TCF20: variants seen among roughly 807,000 people sequenced by gnomAD.
TCF20 encodes SPRE-binding protein.
A neutral mutation model predicts 148.6 loss-of-function variants in TCF20; 3 were observed. The observed-to-expected ratio is 0.02, with a 90% CI of 0.01 to 0.05. The LOEUF (loss-of-function observed/expected upper bound fraction) is 0.05. TCF20 is among the 10% of genes least tolerant of loss of function. The pLI is 1.00. For synonymous variants in TCF20, 1,049 were observed against 909.5 expected (o/e 1.15, Z -2.76); for missense variants, 2,350 against 2,429.3 (o/e 0.97, Z 0.69).
chr22:42,259,024 A>T (rs967441124), intron 1 of TCF20, among the ~76,000 whole-genome samples: 2 of 151,822 alleles, frequency 1.3e-5, no homozygotes, highest in African/African-American at 4.8e-5. Context: ...TTAGTTTACC[A>T]CTCCCCAGAA....
At position 42,210,074 on chromosome 22, in the gene TCF20, T is replaced by C. The variant is rs1439974216; in HGVS notation, c.5232A>G (p.Glu1744=). 6.2e-7 allele frequency: 1 copy of C among 1,613,840 alleles called. No individual in the cohort carries two copies. Among genetic ancestry groups the C allele is most frequent in the South Asian group, 1.1e-5 (1 of 91,090 alleles). ...GCCGTACCTTAACTTTGCTCTGCAT[T>C]TCTGTGGCCCTCTTAGGAGGTGGAT... ...PKNPPPKRAT[E]MQSKVKVRHK... Residue 1744 remains glutamate, a synonymous_variant, in exon 2 of 6, where the codon GAA becomes GAG. Transcript: ENST00000677622. This position sits in a 1 kb window ranked among gnomAD's most constrained non-coding sequence, Gnocchi z 4.7.
intron 1 of TCF20, among the ~76,000 whole-genome samples, chr22:42,336,426 G>C (rs1928069404): frequency 6.6e-6 from 1 of 151,922 alleles, no homozygotes; most frequent in Admixed American, 6.6e-5. Flanking sequence ...CCTGCTTCAG[G>C]CATCCCTTCT....
Position 42,204,006 on chromosome 22 carries a change from C to T in TCF20, c.5655+5645G>A, listed in dbSNP as rs566667076. Among the ~76,000 whole-genome samples, 4 of 152,324 alleles carry T rather than the reference C, an allele frequency of 2.6e-5. No homozygotes were observed. The South Asian group carries it at 8.3e-4, about 32-fold the overall frequency. On this transcript the variant is annotated intron_variant, in intron 2 of 5. Coordinates refer to ENST00000677622, the MANE Select transcript of TCF20 (RefSeq NM_001378418.1). ...CTGGTGGCTCTATTTTACAGTTAAACTAGAGAGCCTACCTTTCTGACTTGG... is the reference window on the plus strand; with the variant it reads ...CTGGTGGCTCTATTTTACAGTTAAATTAGAGAGCCTACCTTTCTGACTTGG...
intron 1 of TCF20, among the ~76,000 whole-genome samples, chr22:42,280,541 G>T (rs767710385): frequency 2.0e-5 from 3 of 152,162 alleles, no homozygotes; most frequent in Non-Finnish European, 4.4e-5. Flanking sequence ...CCCCTGCTCT[G>T]CCCCTACATG....
At chr22:42,209,381 C>T (rs1920923058) in intron 2 of TCF20, among the ~76,000 whole-genome samples, 1 of 152,168 alleles carries the variant, frequency 6.6e-6, no homozygotes, top group Non-Finnish European at 1.5e-5. Context: ...AATATCCTAA[C>T]TGGAAAGTGT....
At chr22:42,339,625 C>T (rs1928129585) in intron 1 of TCF20, among the ~76,000 whole-genome samples, 1 of 152,238 alleles carries the variant, frequency 6.6e-6, no homozygotes, top group South Asian at 2.1e-4. Context: ...GCGGGATTCC[C>T]ATTGTCCAAA....
intron 1 of TCF20, among the ~76,000 whole-genome samples, chr22:42,226,768 TCAATGAC>T (rs1327172000): frequency 2.0e-5 from 3 of 151,866 alleles, no homozygotes; most frequent in Non-Finnish European, 2.9e-5. Context: ...TCAAAAGATA[TCAATGAC>T]CAATCCAAAG....
chr22:42,332,762 C>T (rs992761078), intron 1 of TCF20, among the ~76,000 whole-genome samples: 1 of 152,222 alleles, frequency 6.6e-6, no homozygotes, highest in African/African-American at 2.4e-5. Context: ...GCCACCGTGC[C>T]CCGCACAGCC....
intron 1 of TCF20, among the ~76,000 whole-genome samples, chr22:42,228,025 AAAGT>A (rs1923067986): frequency 6.6e-6 from 1 of 152,222 alleles, no homozygotes; most frequent in Non-Finnish European, 1.5e-5. Flanking sequence ...GGTCTTATAA[AAAGT>A]AAGAGCCACA....
At chr22:42,313,941 T>C (rs1344197493) in intron 1 of TCF20, among the ~76,000 whole-genome samples, 1 of 152,234 alleles carries the variant, frequency 6.6e-6, no homozygotes, top group African/African-American at 2.4e-5. Flanking sequence ...GCCCCGGCTG[T>C]TCCCGCTGCC....
At chr22:42,187,639 G>T (rs181888125) in intron 2 of TCF20, among the ~76,000 whole-genome samples, 1 of 152,164 alleles carries the variant, frequency 6.6e-6, no homozygotes, top group South Asian at 2.1e-4. Context: ...TTTCCCTTCC[G>T]ATGTCTTTGT....
intron 1 of TCF20, among the ~76,000 whole-genome samples, chr22:42,333,775 G>A (rs1338370004): frequency 6.6e-6 from 1 of 152,266 alleles, no homozygotes; most frequent in Non-Finnish European, 1.5e-5. Context: ...GGCAGGCCTA[G>A]CCCAAGCTTC....
intron 1 of TCF20, among the ~76,000 whole-genome samples, chr22:42,280,487 C>G (rs1476875384): frequency 2.0e-5 from 3 of 152,250 alleles, no homozygotes; most frequent in African/African-American, 7.2e-5. Flanking sequence ...TACCAAATCT[C>G]TGGGGCTTTT....
At chr22:42,207,592 G>C (rs911801955) in intron 2 of TCF20, among the ~76,000 whole-genome samples, 1 of 152,166 alleles carries the variant, frequency 6.6e-6, no homozygotes. Context: ...GAGGTGGGCG[G>C]ATCACCTGAG....
chr22:42,211,090 C>G lies in TCF20; in HGVS notation c.4216G>C (p.Glu1406Gln). Residue 1406 changes from glutamate (E) to glutamine (Q), a missense_variant, in exon 2 of 6, where the codon GAG becomes CAG. Glu to Gln is a conservative substitution (Grantham distance 29). Around this residue, in one of 7 missense-constraint regions of TCF20, gnomAD observed 231 missense variants for 213.7 expected, o/e 1.08. Coordinates refer to ENST00000677622, the MANE Select transcript of TCF20 (RefSeq NM_001378418.1). ...GAAGCCACCTCACCTTTTCTCTTCT[C>G]TATGTCAGCATCCTGAACAGCAACA... ...GSVAVQDADI[E>Q]KRKGEVASDL... The G allele has an allele frequency of 6.2e-7, 1 of 1,614,194 alleles. No homozygotes were observed. Among genetic ancestry groups the G allele is most frequent in the Non-Finnish European group, 8.5e-7 (1 of 1,180,038 alleles).
intron 1 of TCF20, among the ~76,000 whole-genome samples, chr22:42,267,808 C>T (rs1282630549): frequency 6.6e-6 from 1 of 152,178 alleles, no homozygotes; most frequent in African/African-American, 2.4e-5. Context: ...CACTCTGCCC[C>T]TATGCTGGGA....
intron 1 of TCF20, among the ~76,000 whole-genome samples, chr22:42,261,696 A>G (rs1426050410): frequency 6.6e-6 from 1 of 152,198 alleles, no homozygotes; most frequent in Non-Finnish European, 1.5e-5. Flanking sequence ...TGGATACAGG[A>G]AACAGTATAT....
At chr22:42,161,524 C>T (rs1935459370) in intron 5 of TCF20, among the ~76,000 whole-genome samples, 166 bp from the exon 6 acceptor site, 1 of 152,230 alleles carries the variant, frequency 6.6e-6, no homozygotes, top group Admixed American at 6.5e-5. Flanking sequence ...AATGCCAGGG[C>T]CACTGTGTGG....
At chr22:42,193,677 T>G (rs947993283) in intron 2 of TCF20, among the ~76,000 whole-genome samples, 2 of 152,158 alleles carry the variant, frequency 1.3e-5, no homozygotes, top group Admixed American at 1.3e-4. Context: ...ATCCAACACC[T>G]TGACAAGGCA....
Sources: allele counts gnomAD v4.1 joint callset (sites outside exome capture counted in the v4.1 genomes callset), GRCh38; gene constraint gnomAD v4.1.1; regional missense constraint gnomAD v4.1.1; non-coding constraint Gnocchi (gnomAD v3.1); transcripts MANE v1.5; gene names NCBI Gene and HGNC (gene_info 2026-07-23, HGNC 2026-07-21).